Variants in MYL1 observed in about 807,000 individuals in gnomAD.
MYL1 encodes myosin light chain 1.
Under a neutral mutation model 21.8 loss-of-function variants are expected in MYL1, and 16 were observed. The ratio of observed to expected loss-of-function variants is 0.74; its 90% confidence interval spans 0.50 to 1.12. The LOEUF is 1.12. Among genes scored for constraint, MYL1 ranks in the 50% most tolerant of loss-of-function variants. The pLI is 0.00. For missense variants in MYL1, 246 were observed against 241.0 expected (o/e 1.02, Z -0.14); for synonymous variants, 99 against 85.2 (o/e 1.16, Z -0.89).
chr2:210,312,843 T>C (rs1225729788), intron 1 of MYL1, among the ~76,000 whole-genome samples: 5 of 152,062 alleles, frequency 3.3e-5, no homozygotes, highest in African/African-American at 1.2e-4. Flanking sequence ...GCATACCCAA[T>C]TCTCATAGAG....
chr2:210,290,212 A>G lies in MYL1; in HGVS notation c.*270T>C, dbSNP rs1478979510. The G allele has an allele frequency of 6.6e-6, 1 of 152,156 alleles. No individual in the cohort carries two copies. The highest frequency in any genetic ancestry group is 2.4e-5 in the African/African-American group (1 of 41,448). 9.4% of individuals were successfully genotyped at this position (152,156 alleles called of 1,614,324 possible). On this transcript the variant is annotated 3_prime_UTR_variant, in exon 7 of 7. Transcript: ENST00000352451. ...TTAAGAATGTTTGTTGATTCATGGT[A>G]GATAATAAAGAATGGTGCTTGGATT...
At position 210,314,966 on chromosome 2, in the gene MYL1, G is replaced by C. The variant is rs1690470519; in HGVS notation, c.77C>G (p.Pro26Arg). The C allele has an allele frequency of 1.9e-6, 3 of 1,613,172 alleles. No homozygotes were observed. Among genetic ancestry groups the C allele is most frequent in the Non-Finnish European group, 2.5e-6 (3 of 1,179,446 alleles). The change falls in exon 1 of 7, where the codon CCT becomes CGT. Residue 26 changes from proline to arginine, a missense_variant. Coordinates refer to ENST00000352451, the MANE Select transcript of MYL1 (RefSeq NM_079420.3). Reference sequence around the variant, plus strand: ...TTTGGGTTTGGCTGGGGCAGGGGCAGGTGCAGGTGCCGGTGCCGGGGCTGG... The same window carrying C: ...TTTGGGTTTGGCTGGGGCAGGGGCACGTGCAGGTGCCGGTGCCGGGGCTGG... Reference protein sequence around the residue: ...AAPAPAPAPAPAPAPAKPKEE... With the variant: ...AAPAPAPAPARAPAPAKPKEE...
intron 3 of MYL1, among the ~76,000 whole-genome samples, chr2:210,295,439 G>A (rs1261201112): frequency 6.6e-6 from 1 of 151,982 alleles, no homozygotes; most frequent in Non-Finnish European, 1.5e-5. Context: ...TTTGAGACCA[G>A]CCTGGGCAAC....
intron 2 of MYL1, among the ~76,000 whole-genome samples, chr2:210,300,582 T>C (rs1391506222): frequency 6.6e-6 from 1 of 152,164 alleles, no homozygotes; most frequent in Non-Finnish European, 1.5e-5. Flanking sequence ...AACAGTATTG[T>C]TCTAGAACTT....
intron 1 of MYL1, among the ~76,000 whole-genome samples, chr2:210,310,358 C>T (rs1266846367): frequency 6.6e-6 from 1 of 151,952 alleles, no homozygotes; most frequent in Non-Finnish European, 1.5e-5. Context: ...TGCATACCAT[C>T]CCAAAGAATA....
In MYL1 at chr2:210,314,973, G is replaced by A; in HGVS notation, c.70C>T (p.Pro24Ser). 6.2e-7 allele frequency: 1 copy of A among 1,612,594 alleles called. No individual in the cohort carries two copies. The highest frequency in any genetic ancestry group is 8.5e-7 in the Non-Finnish European group (1 of 1,179,232). The change falls in exon 1 of 7, where the codon CCT (proline) becomes TCT (serine). Residue 24 changes from proline to serine, a missense_variant. Coordinates refer to ENST00000352451, the MANE Select transcript of MYL1 (RefSeq NM_079420.3). ...TTGGCTGGGGCAGGGGCAGGTGCAGGTGCCGGTGCCGGGGCTGGGGCAGCC... is the reference window on the plus strand; with the variant it reads ...TTGGCTGGGGCAGGGGCAGGTGCAGATGCCGGTGCCGGGGCTGGGGCAGCC... ...AAAAPAPAPAPAPAPAPAKPK... is the reference protein window; with the variant it reads ...AAAAPAPAPASAPAPAPAKPK...
At chr2:210,291,720 T>C (rs148369956) in intron 5 of MYL1, among the ~76,000 whole-genome samples, 1 of 152,310 alleles carries the variant, frequency 6.6e-6, no homozygotes, top group East Asian at 1.9e-4. Flanking sequence ...CATTGATACA[T>C]TGATAGACAT....
At chr2:210,307,498 C>A (rs114546710) in intron 1 of MYL1, among the ~76,000 whole-genome samples, 1 of 152,084 alleles carries the variant, frequency 6.6e-6, no homozygotes, top group Non-Finnish European at 1.5e-5. Flanking sequence ...TGTTTATGTA[C>A]CTTTATATTT....
At chr2:210,309,025 T>C (rs896238751) in intron 1 of MYL1, among the ~76,000 whole-genome samples, 5 of 152,056 alleles carry the variant, frequency 3.3e-5, no homozygotes, top group Non-Finnish European at 5.9e-5. Flanking sequence ...GAGAGCCAGA[T>C]TGGGAATTTT....
Position 210,298,394 on chromosome 2 carries a change from A to G in MYL1, c.304+26T>C, listed in dbSNP as rs184339411. The G allele has an allele frequency of 7.8e-5, 125 of 1,612,798 alleles. No individual in the cohort carries two copies. The African/African-American group carries it at 1.5e-3, about 20-fold the overall frequency. ...GCTACACACTTCCCTATACTTCCAC[A>G]CTTCTTGGAAAAATTGATGGGTTAC... On this transcript the variant is annotated intron_variant, in intron 3 of 6. Transcript: ENST00000352451.
At chr2:210,313,393 G>A (rs183062011) in intron 1 of MYL1, among the ~76,000 whole-genome samples, 2 of 151,906 alleles carry the variant, frequency 1.3e-5, no homozygotes, top group South Asian at 4.1e-4. Flanking sequence ...TACTATCATG[G>A]CTATGATCTC....
chr2:210,298,315 CACATACTACACACACACACATACT>C, intron 3 of MYL1, 81 bp downstream of exon 3: 1 of 1,289,184 alleles, frequency 7.8e-7, no homozygotes, highest in Non-Finnish European at 1.1e-6. Context: ...CTCACACACA[CACATACTACACACACACACATACT>C]ACACACACAC....
intron 1 of MYL1, among the ~76,000 whole-genome samples, chr2:210,310,729 A>T (rs1384609723): frequency 6.6e-6 from 1 of 151,694 alleles, no homozygotes; most frequent in Non-Finnish European, 1.5e-5. Context: ...CAAGGTCAAA[A>T]GTCTTGGTGA....
At chr2:210,311,048 G>A (rs370476704) in intron 1 of MYL1, among the ~76,000 whole-genome samples, 9 of 152,086 alleles carry the variant, frequency 5.9e-5, no homozygotes, top group African/African-American at 1.7e-4. Flanking sequence ...AATAACTTCA[G>A]TGTAATATTG....
At chr2:210,294,444 T>C in intron 3 of MYL1, 26 bp from the exon 4 acceptor site, 1 of 1,605,302 alleles carries the variant, frequency 6.2e-7, no homozygotes, top group Non-Finnish European at 8.5e-7. Flanking sequence ...ATTTTGAGGG[T>C]TATTAGCTAC....
chr2:210,308,989 C>T (rs1690379527), intron 1 of MYL1, among the ~76,000 whole-genome samples: 1 of 152,020 alleles, frequency 6.6e-6, no homozygotes, highest in Admixed American at 6.6e-5. Context: ...CATTGCTGTC[C>T]TGGAGACTTC....
chr2:210,302,191 T>G (rs186462417), intron 2 of MYL1, among the ~76,000 whole-genome samples: 2 of 152,306 alleles, frequency 1.3e-5, no homozygotes, highest in Admixed American at 6.5e-5. Context: ...TTGGGATATA[T>G]ATATATATGT....
chr2:210,315,096 TG>T lies in MYL1; in HGVS notation c.-55del. On this transcript the variant is annotated 5_prime_UTR_variant, in exon 1 of 7. Transcript: ENST00000352451. Reference sequence around the variant, plus strand: ...GAGAAGGAGTTCCTCCAAAAGAACCTGTCAAAATGATTCTTGGAAGAGGAGT... The same window carrying T: ...GAGAAGGAGTTCCTCCAAAAGAACCTTCAAAATGATTCTTGGAAGAGGAGT... The T allele has an allele frequency of 6.3e-7, 1 of 1,578,598 alleles. No homozygotes were observed. The highest frequency in any genetic ancestry group is 8.5e-7 in the Non-Finnish European group (1 of 1,170,756).
chr2:210,294,190 A>G, intron 4 of MYL1, 55 bp downstream of exon 4: 8 of 1,476,186 alleles, frequency 5.4e-6, no homozygotes, highest in Middle Eastern at 1.8e-4. Context: ...TTCTCCTGTC[A>G]TGTTCTTTTC....
Sources: gnomAD v4.1 joint callset for allele counts (sites outside exome capture counted in the v4.1 genomes callset) on GRCh38, gnomAD v4.1.1 for gene constraint, MANE v1.5 for transcripts, NCBI Gene and HGNC (gene_info 2026-07-23, HGNC 2026-07-21) for gene names.